Variants in HYAL4 observed in about 807,000 individuals in gnomAD.
The protein encoded by HYAL4 is hyaluronidase 4.
A neutral mutation model predicts 35.2 loss-of-function variants in HYAL4; 37 were observed. The ratio of observed to expected loss-of-function variants is 1.05; its 90% confidence interval spans 0.81 to 1.38. HYAL4 has a LOEUF of 1.38. Ranked by LOEUF, HYAL4 falls within the 40% of genes most tolerant of loss-of-function variation. The pLI is 0.00. For missense variants in HYAL4, 572 were observed against 572.4 expected, an observed-to-expected ratio of 1.00 and a Z score of 0.01; for synonymous variants, 198 against 203.2, an observed-to-expected ratio of 0.97 and a Z score of 0.22.
chr7:123,858,130 G>C (rs1045100568), intron 2 of HYAL4, among the ~76,000 whole-genome samples: 2 of 152,134 alleles, frequency 1.3e-5, no homozygotes, highest in Non-Finnish European at 2.9e-5. Flanking sequence ...CCAGGAGGTC[G>C]AGGTTGTAGT....
intron 2 of HYAL4, among the ~76,000 whole-genome samples, chr7:123,866,806 T>TG (rs1209088487): frequency 3.6e-4 from 54 of 150,636 alleles, no homozygotes; most frequent in African/African-American, 1.1e-3. Context: ...TTTTTTTTTT[T>TG]TTTGAGACTG....
At chr7:123,826,821 T>C (rs1006661580), upstream of HYAL4, among the ~76,000 whole-genome samples, 1 of 151,874 alleles carries the variant, frequency 6.6e-6, no homozygotes, top group East Asian at 1.9e-4. Context: ...GTAGCAAGGG[T>C]TGAATTCTGG....
At chr7:123,865,737 C>T (rs748525968) in intron 2 of HYAL4, among the ~76,000 whole-genome samples, 11 of 152,176 alleles carry the variant, frequency 7.2e-5, no homozygotes, top group Non-Finnish European at 1.5e-4. Context: ...GATAATTACA[C>T]ACAACATGTA....
chr7:123,863,933 A>G (rs1806632972), intron 2 of HYAL4, among the ~76,000 whole-genome samples: 1 of 152,078 alleles, frequency 6.6e-6, no homozygotes, highest in Admixed American at 6.5e-5. Context: ...GCTTTTTTGC[A>G]GACTCTTGTA....
chr7:123,823,365 G>T, the HYAL4 span, among the ~76,000 whole-genome samples: 14 of 152,036 alleles, frequency 9.2e-5, no homozygotes, highest in Admixed American at 9.2e-4. Context: ...TTATTTTGTT[G>T]AGGATTTTTG....
chr7:123,779,853 C>A, the HYAL4 span, among the ~76,000 whole-genome samples: 74 of 152,084 alleles, frequency 4.9e-4, no homozygotes, highest in African/African-American at 1.5e-3. Flanking sequence ...AATATGAGTA[C>A]TCATTATCTA....
Position 123,876,728 on chromosome 7 carries a change from A to AAATTGATT in HYAL4, c.1045-25_1045-18dup, listed in dbSNP as rs1807035029. The AAATTGATT allele has an allele frequency of 1.9e-6, 3 of 1,598,798 alleles. No homozygotes were observed. In the East Asian group the frequency reaches 6.7e-5, roughly 36 times the overall value. ...CATTTCTACCAGGGAGAACACACTA[A>AAATTGATT]AATTGATTTCTTCCTACATTTCTAG... On this transcript the variant is annotated intron_variant, in intron 4 of 4. Coordinates refer to ENST00000223026, the MANE Select transcript of HYAL4 (RefSeq NM_012269.3).
intron 2 of HYAL4, among the ~76,000 whole-genome samples, chr7:123,853,413 A>G (rs1343878286): frequency 6.6e-6 from 1 of 152,084 alleles, no homozygotes; most frequent in Non-Finnish European, 1.5e-5. Flanking sequence ...TTCCATTAAT[A>G]CCAGTTTATT....
chr7:123,789,299 G>A, the HYAL4 span, among the ~76,000 whole-genome samples: 1 of 152,194 alleles, frequency 6.6e-6, no homozygotes, highest in Non-Finnish European at 1.5e-5. Flanking sequence ...TCAGCTAGAG[G>A]AATTGAGCAT....
chr7:123,783,832 C>A, the HYAL4 span, among the ~76,000 whole-genome samples: 1 of 152,108 alleles, frequency 6.6e-6, no homozygotes. Flanking sequence ...ATTGGACAGC[C>A]AACTCTTTAA....
the HYAL4 span, among the ~76,000 whole-genome samples, chr7:123,823,447 A>C: frequency 6.6e-6 from 1 of 152,106 alleles, no homozygotes; most frequent in Non-Finnish European, 1.5e-5. Flanking sequence ...CTTTGGTATC[A>C]GGGTAATGCT....
intron 2 of HYAL4, among the ~76,000 whole-genome samples, chr7:123,866,530 C>T (rs973462250): frequency 1.3e-5 from 2 of 152,098 alleles, no homozygotes; most frequent in Non-Finnish European, 2.9e-5. Flanking sequence ...GGTCTGTATC[C>T]GGAGCACACA....
chr7:123,764,255 G>T, the HYAL4 span, among the ~76,000 whole-genome samples: 2 of 152,204 alleles, frequency 1.3e-5, no homozygotes, highest in Admixed American at 1.3e-4. Context: ...TTTTAGGGGT[G>T]AGCCATCGTG....
At chr7:123,800,749 C>A in the HYAL4 span, among the ~76,000 whole-genome samples, 17 of 151,722 alleles carry the variant, frequency 1.1e-4, no homozygotes, top group African/African-American at 3.9e-4. Context: ...CTCTGCCTCT[C>A]GGGTTCAAAC....
At chr7:123,852,073 T>C (rs1427604504) in intron 2 of HYAL4, among the ~76,000 whole-genome samples, 1 of 152,208 alleles carries the variant, frequency 6.6e-6, no homozygotes, top group African/African-American at 2.4e-5. Flanking sequence ...GTTGCCCACT[T>C]TTTGATGGGG....
the HYAL4 span, among the ~76,000 whole-genome samples, chr7:123,812,255 T>G: frequency 2.6e-5 from 4 of 152,166 alleles, no homozygotes; most frequent in African/African-American, 9.7e-5. Context: ...CAAGTGTATG[T>G]GTGTATATAT....
chr7:123,795,643 G>A, the HYAL4 span, among the ~76,000 whole-genome samples: 12 of 152,208 alleles, frequency 7.9e-5, no homozygotes, highest in Non-Finnish European at 1.6e-4. Flanking sequence ...TTCCCCTTCT[G>A]CCATGATTGT....
chr7:123,859,633 C>G (rs898273363), intron 2 of HYAL4, among the ~76,000 whole-genome samples: 1 of 152,052 alleles, frequency 6.6e-6, no homozygotes, highest in East Asian at 1.9e-4. Context: ...CATACAATTT[C>G]TCAAATAAAA....
chr7:123,866,031 A>T (rs182520734), intron 2 of HYAL4, among the ~76,000 whole-genome samples: 1 of 152,302 alleles, frequency 6.6e-6, no homozygotes, highest in East Asian at 1.9e-4. Context: ...AGCATGGGAA[A>T]TCTCGCCCTT....
Sources: gnomAD v4.1 joint callset for allele counts (sites outside exome capture counted in the v4.1 genomes callset) on GRCh38, gnomAD v4.1.1 for gene constraint, MANE v1.5 for transcripts, NCBI Gene and HGNC (gene_info 2026-07-23, HGNC 2026-07-21) for gene names.